The following IQCM variants were observed in gnomAD, a reference collection of about 807,000 sequenced individuals.
The protein encoded by IQCM is IQ motif containing M.
In IQCM, 45 loss-of-function variants were observed where a neutral mutation model predicts 57.6. The ratio of observed to expected loss-of-function variants is 0.78; its 90% CI spans 0.62 to 1.00. The LOEUF is 1.00. Ranked by LOEUF, IQCM falls within the 50% of genes least tolerant of loss-of-function variation. IQCM has a pLI of 0.00. For synonymous variants in IQCM, 148 were observed against 158.9 expected, an observed-to-expected ratio of 0.93 and a Z score of 0.51; for missense variants, 468 against 511.6, an observed-to-expected ratio of 0.91 and a Z score of 0.82.
At chr4:149,584,017 T>C (rs182500390) in intron 9 of IQCM, among the ~76,000 whole-genome samples, 1 of 151,716 alleles carries the variant, frequency 6.6e-6, no homozygotes, top group African/African-American at 2.4e-5. Flanking sequence ...TACACTATCA[T>C]TCATGTACAC....
intron 13 of IQCM, among the ~76,000 whole-genome samples, chr4:149,376,934 A>C (rs1291813615): frequency 6.6e-6 from 1 of 152,124 alleles, no homozygotes; most frequent in Admixed American, 6.6e-5. Flanking sequence ...AGGGTAAAAA[A>C]TATCTACAAT....
chr4:149,672,757 A>T (rs1761414256), intron 7 of IQCM, among the ~76,000 whole-genome samples: 1 of 152,120 alleles, frequency 6.6e-6, no homozygotes, highest in Admixed American at 6.5e-5. Context: ...CCAACATTCA[A>T]ATTCAGGAAA....
At chr4:149,626,587 T>C (rs1195408365) in intron 7 of IQCM, among the ~76,000 whole-genome samples, 2 of 151,952 alleles carry the variant, frequency 1.3e-5, no homozygotes, top group Non-Finnish European at 2.9e-5. Flanking sequence ...TCTTTCTGAA[T>C]TGCCAAGTAT....
At chr4:149,637,526 A>G (rs1258121842) in intron 7 of IQCM, among the ~76,000 whole-genome samples, 1 of 152,190 alleles carries the variant, frequency 6.6e-6, no homozygotes, top group Non-Finnish European at 1.5e-5. Flanking sequence ...AATTGACAAG[A>G]TAATTTAAAA....
chr4:149,758,127 C>T (rs1769163279), intron 2 of IQCM, among the ~76,000 whole-genome samples: 1 of 152,096 alleles, frequency 6.6e-6, no homozygotes, highest in Non-Finnish European at 1.5e-5. Flanking sequence ...TAAATATAGT[C>T]AGCTGACCTT....
chr4:149,760,856 C>G (rs1769438671), intron 2 of IQCM, among the ~76,000 whole-genome samples: 1 of 151,882 alleles, frequency 6.6e-6, no homozygotes, highest in Admixed American at 6.6e-5. Flanking sequence ...AATAAATACT[C>G]TTAGTACCTA....
chr4:149,799,872 C>CA (rs924647285), intron 2 of IQCM, among the ~76,000 whole-genome samples: 18 of 142,876 alleles, frequency 1.3e-4, no homozygotes, highest in South Asian at 4.3e-4. Flanking sequence ...AACAAAAAAA[C>CA]AAAAAAAAAC....
chr4:149,775,210 G>C (rs576783691), intron 2 of IQCM, among the ~76,000 whole-genome samples: 1 of 151,958 alleles, frequency 6.6e-6, no homozygotes, highest in African/African-American at 2.4e-5. Context: ...TCTTGAAAAT[G>C]ATTAAATACA....
intron 8 of IQCM, among the ~76,000 whole-genome samples, chr4:149,600,114 C>G (rs1754142082): frequency 6.6e-6 from 1 of 152,022 alleles, no homozygotes; most frequent in Non-Finnish European, 1.5e-5. Flanking sequence ...ATCCTTTTTA[C>G]TTGTGTATTT....
chr4:149,551,444 G>A (rs1340383835), intron 11 of IQCM, among the ~76,000 whole-genome samples: 1 of 152,028 alleles, frequency 6.6e-6, no homozygotes, highest in African/African-American at 2.4e-5. Context: ...GAGAAATCAT[G>A]AAAAGAAAGT....
chr4:149,686,417 T>A lies in IQCM; in HGVS notation c.437A>T (p.Lys146Ile), dbSNP rs1762550983. The A allele has an allele frequency of 8.1e-7, 1 of 1,228,030 alleles. No individual in the cohort carries two copies. The highest frequency in any genetic ancestry group is 1.6e-5 in the African/African-American group (1 of 64,296). The allele number at this position is 1,228,030 out of a possible 1,614,324, so 76.1% of individuals were successfully genotyped here. The change falls in exon 6 of 14, where the codon AAA becomes ATA. Residue 146 changes from lysine to isoleucine, a missense_variant. Transcript: ENST00000636793. ...IMTIIEPVSK[K>I]METAKQQHFE... is the part of the protein sequence containing the mutation. Reference sequence around the variant, plus strand: ...GTGCTGTTGCTTTGCTGTCTCCATTTTTTTACTCACTGGTTCAATAATAGT... The same window carrying A: ...GTGCTGTTGCTTTGCTGTCTCCATTATTTTACTCACTGGTTCAATAATAGT...
intron 7 of IQCM, among the ~76,000 whole-genome samples, chr4:149,657,578 C>G (rs1167266612): frequency 6.6e-6 from 1 of 152,064 alleles, no homozygotes; most frequent in South Asian, 2.1e-4. Context: ...TTTGAGAAAC[C>G]TCCATACTGT....
At chr4:149,668,260 G>T (rs938008236) in intron 7 of IQCM, among the ~76,000 whole-genome samples, 2 of 152,138 alleles carry the variant, frequency 1.3e-5, no homozygotes, top group Admixed American at 1.3e-4. Flanking sequence ...AGAAGAGAGT[G>T]GGGGCCAATA....
chr4:149,476,165 A>G (rs1248457530), intron 12 of IQCM, among the ~76,000 whole-genome samples: 1 of 152,182 alleles, frequency 6.6e-6, no homozygotes, highest in Non-Finnish European at 1.5e-5. Context: ...CAAGTGAAGG[A>G]ACCAACTTCA....
At chr4:149,399,876 T>G (rs559817340) in intron 13 of IQCM, among the ~76,000 whole-genome samples, 1 of 152,090 alleles carries the variant, frequency 6.6e-6, no homozygotes, top group East Asian at 1.9e-4. Flanking sequence ...AAATTCTAAT[T>G]GTTATCCTTT....
chr4:149,592,855 T>G (rs1382783584), intron 8 of IQCM, among the ~76,000 whole-genome samples: 8 of 152,220 alleles, frequency 5.3e-5, no homozygotes, highest in African/African-American at 1.7e-4. Context: ...TTTTGGTTAC[T>G]GTAGCCTTGT....
intron 5 of IQCM, among the ~76,000 whole-genome samples, chr4:149,732,390 T>C (rs1228341919): frequency 2.6e-5 from 4 of 152,188 alleles, no homozygotes. Context: ...TTCTGATAAA[T>C]TTTCAGGAGA....
At chr4:149,776,992 A>G (rs1034373587) in intron 2 of IQCM, among the ~76,000 whole-genome samples, 1 of 152,162 alleles carries the variant, frequency 6.6e-6, no homozygotes, top group Non-Finnish European at 1.5e-5. Flanking sequence ...ACCGCTTCTC[A>G]TTCTGTATAG....
At chr4:149,637,170 A>T (rs1423021272) in intron 7 of IQCM, among the ~76,000 whole-genome samples, 3 of 151,342 alleles carry the variant, frequency 2.0e-5, no homozygotes, top group Non-Finnish European at 4.4e-5. Context: ...AAGAAAAAAA[A>T]AAAAAAAAGA....
Sources: gnomAD v4.1 joint callset for allele counts (sites outside exome capture counted in the v4.1 genomes callset) on GRCh38, gnomAD v4.1.1 for gene constraint, MANE v1.5 for transcripts, NCBI Gene and HGNC (gene_info 2026-07-23, HGNC 2026-07-21) for gene names.